WDR62: variants seen among roughly 807,000 people sequenced by gnomAD.
WDR62 encodes WD repeat domain 62.
A neutral mutation model predicts 160.6 loss-of-function variants in WDR62; 112 were observed. That is an observed-to-expected ratio of 0.70 (90% CI 0.60 to 0.82). The LOEUF (loss-of-function observed/expected upper bound fraction) is 0.82, where lower values mean the gene tolerates loss of function less well. WDR62 is among the 40% of genes least tolerant of loss of function. The probability of loss-of-function intolerance (pLI) is 0.00; values close to 1 mark genes in which losing one functional copy is unlikely to be tolerated. For synonymous variants in WDR62, 792 were observed against 815.1 expected (o/e 0.97, Z 0.48); for missense variants, 1,819 against 1,983.8 (o/e 0.92, Z 1.58).
chr19:36,082,878 G>T (rs1320905418), intron 10 of WDR62, among the ~76,000 whole-genome samples, 185 bp from the exon 11 acceptor site: 1 of 152,212 alleles, frequency 6.6e-6, no homozygotes. Context: ...TAATAGTTCA[G>T]AATTTATTCA....
At position 36,070,009 on chromosome 19, in the gene WDR62, C is replaced by G. The variant is rs1440941489; in HGVS notation, c.883-1547C>G. Among the ~76,000 whole-genome samples the G allele has an allele frequency of 1.4e-4, 16 of 112,382 alleles. No homozygotes were observed. The East Asian group carries it at 2.9e-3, about 21-fold the overall frequency. The allele number at this position is 112,382 out of a possible 152,430, so 73.7% of individuals were successfully genotyped here. A position where few individuals can be genotyped will look rare whatever the true frequency, so the allele number is the denominator to read the frequency against. ...CGTGGAAAGAGAGGGAGAGGGAGAC[C>G]GTGGGGAGAGGGAGAGGGAGACCGT... On this transcript the variant is annotated intron_variant, in intron 7 of 31. Transcript: ENST00000401500.
Position 36,066,359 on chromosome 19 carries a change from C to T in WDR62, c.493C>T (p.Pro165Ser). 1 of 1,613,916 alleles carries T rather than the reference C, an allele frequency of 6.2e-7. No individual in the cohort carries two copies. The highest frequency in any genetic ancestry group is 8.5e-7 in the Non-Finnish European group (1 of 1,179,890). Residue 165 changes from proline (P) to serine (S), a missense_variant, in exon 5 of 32, where the codon CCC becomes TCC. Transcript: ENST00000401500. ...TGGTGTGGCGTGTGTGGCCTTCTCA[C>T]CCAATATGAAGCACATCGTGTCCAT... Reference protein sequence around the residue: ...KYGVACVAFSPNMKHIVSMGY... With the variant: ...KYGVACVAFSSNMKHIVSMGY...
In WDR62 at chr19:36,105,087, A is replaced by T; in HGVS notation, c.*59A>T. ...CTGAGGACTTAGGTATTTTAAGCGA[A>T]TAAACTGACAGCTTTGAGGAATGGT... is the stretch of plus-strand genomic sequence containing the variant. On this transcript the variant is annotated 3_prime_UTR_variant, in exon 32 of 32. Transcript: ENST00000401500. 1 of 1,549,394 alleles carries T rather than the reference A, an allele frequency of 6.5e-7. No individual in the cohort carries two copies. Among genetic ancestry groups the T allele is most frequent in the Non-Finnish European group, 8.7e-7 (1 of 1,153,336 alleles).
At chr19:36,077,428 A>C (rs1197354060) in intron 9 of WDR62, among the ~76,000 whole-genome samples, 11 of 150,460 alleles carry the variant, frequency 7.3e-5, no homozygotes, top group Non-Finnish European at 1.3e-4. Context: ...CTACAGGCAC[A>C]CGCCACCACA....
intron 9 of WDR62, among the ~76,000 whole-genome samples, chr19:36,076,576 AAAG>A (rs1241030445): frequency 3.3e-5 from 5 of 151,792 alleles, no homozygotes; most frequent in Admixed American, 6.6e-5. Flanking sequence ...AAAAAAGAAA[AAAG>A]AGAAAGAGAA....
chr19:36,092,632 A>G (rs1028613365), intron 18 of WDR62, 57 bp from the exon 19 acceptor site: 76 of 1,611,160 alleles, frequency 4.7e-5, no homozygotes, highest in Non-Finnish European at 6.2e-5. Context: ...CAGCCACGGC[A>G]GCGGCTCCCA....
Position 36,083,114 on chromosome 19 carries a change from A to T in WDR62, c.1423A>T (p.Met475Leu), listed in dbSNP as rs140774775. 4 of 1,613,606 alleles carry T rather than the reference A, an allele frequency of 2.5e-6. No homozygotes were observed. Among genetic ancestry groups the T allele is most frequent in the Non-Finnish European group, 3.4e-6 (4 of 1,179,834 alleles). The change falls in exon 11 of 32, where the codon ATG becomes TTG. Residue 475 changes from methionine (M) to leucine (L), a missense_variant. Physicochemically the swap from Met to Leu is conservative, Grantham distance 15. This residue lies in a region of WDR62 where 934 missense variants were observed against 1,157.2 expected (regional missense o/e 0.81). Transcript: ENST00000401500. ...GAATGACATCCAGCACCTGCAGGACATGTCACACTTCCCAGACCGGGGGAG... is the reference window on the plus strand; with the variant it reads ...GAATGACATCCAGCACCTGCAGGACTTGTCACACTTCCCAGACCGGGGGAG... ...VENDIQHLQD[M>L]SHFPDRGSEN...
chr19:36,076,577 AAGAG>A (rs1324494680), intron 9 of WDR62, among the ~76,000 whole-genome samples: 1 of 151,676 alleles, frequency 6.6e-6, no homozygotes, highest in Non-Finnish European at 1.5e-5. Flanking sequence ...AAAAAGAAAA[AAGAG>A]AAAGAGAAGG....
chr19:36,110,743 G>A, the WDR62 span, among the ~76,000 whole-genome samples: 3 of 152,162 alleles, frequency 2.0e-5, no homozygotes, highest in African/African-American at 7.2e-5. Flanking sequence ...CTACAGAGCA[G>A]GGCAATCACA....
chr19:36,058,070 G>A (rs908368137), intron 1 of WDR62, among the ~76,000 whole-genome samples: 2 of 152,202 alleles, frequency 1.3e-5, no homozygotes, highest in Non-Finnish European at 2.9e-5. Context: ...AGTACTAAGA[G>A]GCCGGGCACA....
downstream of WDR62, among the ~76,000 whole-genome samples, chr19:36,109,842 T>C (rs1019702048): frequency 7.9e-5 from 12 of 151,122 alleles, no homozygotes; most frequent in Non-Finnish European, 1.5e-4. Context: ...TCACCTGCAT[T>C]TAGGAGTTTG....
chr19:36,064,641 G>C (rs565738853), intron 3 of WDR62, among the ~76,000 whole-genome samples: 1 of 151,444 alleles, frequency 6.6e-6, no homozygotes, highest in African/African-American at 2.4e-5. Flanking sequence ...GCAGCAGCAC[G>C]ATCTTGGCTT....
Position 36,099,383 on chromosome 19 carries a change from T to G in WDR62, c.2521-16T>G. On this transcript the variant is annotated splice_polypyrimidine_tract_variant and intron_variant, in intron 21 of 31. Transcript: ENST00000401500. ...GAGCACTCAGCCAGTTGCCTGACTG[T>G]CCGATATCCTTCAAGCTAGGGGACG... is the stretch of plus-strand genomic sequence containing the variant. The G allele has an allele frequency of 6.2e-7, 1 of 1,611,268 alleles. No homozygotes were observed. Among genetic ancestry groups the G allele is most frequent in the South Asian group, 1.1e-5 (1 of 90,950 alleles).
intron 2 of WDR62, among the ~76,000 whole-genome samples, chr19:36,059,654 A>G (rs1970543399): frequency 1.3e-5 from 2 of 152,080 alleles, no homozygotes; most frequent in African/African-American, 4.8e-5. Context: ...AGGCTGGTCT[A>G]AAACTCCTGA....
chr19:36,055,754 A>T (rs1330239361), intron 1 of WDR62, among the ~76,000 whole-genome samples: 1 of 152,242 alleles, frequency 6.6e-6, no homozygotes, highest in Non-Finnish European at 1.5e-5. Context: ...TGAGACAGAA[A>T]AATGGAAAGA....
chr19:36,071,053 A>C (rs952202165), intron 7 of WDR62: 1 of 169,130 alleles, frequency 5.9e-6, no homozygotes. Flanking sequence ...AAATACAAAA[A>C]ATTATCTGGG....
chr19:36,061,408 T>G (rs1436016060), intron 3 of WDR62: 1 of 152,200 alleles, frequency 6.6e-6, no homozygotes, highest in Non-Finnish European at 1.5e-5. Context: ...CACACACACT[T>G]GCCCAATATA....
rs369272724 is a variant in WDR62, at chr19:36,092,812, G to T, written c.2333+1G>T. 6.2e-7 allele frequency: 1 copy of T among 1,613,776 alleles called. No individual in the cohort carries two copies. Among genetic ancestry groups the T allele is most frequent in the African/African-American group, 1.3e-5 (1 of 74,916 alleles). ...ACAAGAAGCGGAGTGGCCACCCCAG[G>T]TCCTGGCAGCCCCTGCCTGTCCACC... is the stretch of plus-strand genomic sequence containing the variant. On this transcript the variant is annotated splice_donor_variant, in intron 19 of 31. Transcript: ENST00000401500. LOFTEE classifies it high-confidence loss of function.
chr19:36,101,141 G>T, intron 23 of WDR62, 73 bp from the exon 24 acceptor site: 1 of 1,420,870 alleles, frequency 7.0e-7, no homozygotes, highest in Non-Finnish European at 9.8e-7. Context: ...GTGCCTAGGG[G>T]CTCCGGGTGG....
Sources: gnomAD v4.1 joint callset for allele counts (sites outside exome capture counted in the v4.1 genomes callset) on GRCh38, gnomAD v4.1.1 for gene constraint, gnomAD v4.1.1 regional missense constraint, MANE v1.5 for transcripts, NCBI Gene and HGNC (gene_info 2026-07-23, HGNC 2026-07-21) for gene names.